Variants in SHISA6 observed in about 807,000 individuals in gnomAD.
SHISA6 encodes the protein shisa family member 6.
SHISA6 carries 22 observed loss-of-function variants against 47.9 expected under a neutral mutation model. That is an observed-to-expected ratio of 0.46 (90% CI 0.33 to 0.66). The LOEUF (loss-of-function observed/expected upper bound fraction) is 0.66, where lower values mean the gene tolerates loss of function less well. Among genes scored for constraint, SHISA6 ranks in the 30% least tolerant of loss-of-function variants. The probability of loss-of-function intolerance (pLI) is 0.02; values close to 1 mark genes in which losing one functional copy is unlikely to be tolerated. For synonymous variants in SHISA6, 388 were observed against 337.8 expected (o/e 1.15, Z -1.63); for missense variants, 680 against 764.6 (o/e 0.89, Z 1.30).
At chr17:11,480,582 G>T (rs1916185049) in intron 3 of SHISA6, among the ~76,000 whole-genome samples, 1 of 152,074 alleles carries the variant, frequency 6.6e-6, no homozygotes, top group African/African-American at 2.4e-5. Context: ...CAGTGATGGG[G>T]TTTTCCATCA....
At chr17:11,350,207 T>G (rs1356274916) in intron 2 of SHISA6, among the ~76,000 whole-genome samples, 2 of 112,934 alleles carry the variant, frequency 1.8e-5, no homozygotes, top group Admixed American at 1.0e-4. Flanking sequence ...TGAGACGGAG[T>G]CTCGCTCTGT....
intron 3 of SHISA6, among the ~76,000 whole-genome samples, chr17:11,501,765 AAG>A (rs571769229): frequency 1.5e-3 from 233 of 152,162 alleles, no homozygotes; most frequent in Admixed American, 2.9e-3. Flanking sequence ...TTTAGAGAAA[AAG>A]AGCCTCCGGT....
chr17:11,533,587 ATTTT>A (rs3038696), intron 3 of SHISA6, among the ~76,000 whole-genome samples: 1,966 of 95,022 alleles, frequency 0.021, 22 homozygotes, highest in African/African-American at 0.042. Flanking sequence ...CCCTTTCATT[ATTTT>A]TTTTTTTTTT....
At chr17:11,493,996 T>A (rs1044510240) in intron 3 of SHISA6, among the ~76,000 whole-genome samples, 8 of 152,096 alleles carry the variant, frequency 5.3e-5, no homozygotes, top group African/African-American at 1.9e-4. Context: ...GGTGATTAAA[T>A]CTGATAATTA....
intron 2 of SHISA6, among the ~76,000 whole-genome samples, chr17:11,282,928 T>C (rs1909171597): frequency 6.6e-6 from 1 of 152,148 alleles, no homozygotes; most frequent in African/African-American, 2.4e-5. Flanking sequence ...GTTTATAGAG[T>C]GGAGAGCTCA....
Position 11,558,554 on chromosome 17 carries a change from G to A in SHISA6, c.*250G>A. ...TCCAGAAGAATCAGTGGGGAGTGAG[G>A]AGGGGGCTAGGCCCCATTCTCACCC... On this transcript the variant is annotated 3_prime_UTR_variant, in exon 6 of 6. Transcript: ENST00000441885. 1.8e-6 allele frequency: 1 copy of A among 560,996 alleles called. No homozygotes were observed. The highest frequency in any genetic ancestry group is 2.2e-5 in the South Asian group (1 of 46,024). The allele number at this position is 560,996 out of a possible 1,614,324, so 34.8% of individuals were successfully genotyped here. A position where few individuals can be genotyped will look rare whatever the true frequency, so the allele number is the denominator to read the frequency against.
At chr17:11,354,757 A>G (rs1567582668) in intron 2 of SHISA6, among the ~76,000 whole-genome samples, 1 of 151,956 alleles carries the variant, frequency 6.6e-6, no homozygotes, top group African/African-American at 2.4e-5. Context: ...CCCACCCCCT[A>G]TCCTCAGTCA....
intron 3 of SHISA6, among the ~76,000 whole-genome samples, chr17:11,459,873 G>A (rs1468249939): frequency 6.6e-6 from 1 of 152,198 alleles, no homozygotes; most frequent in Non-Finnish European, 1.5e-5. Context: ...TCCCTGCAGT[G>A]GTTGCAGAGA....
In SHISA6 at chr17:11,241,661, C is replaced by T. The variant is rs867785154; in HGVS notation, c.239C>T (p.Ala80Val). The T allele has an allele frequency of 4.8e-6, 7 of 1,453,900 alleles. No individual in the cohort carries two copies. Among genetic ancestry groups the T allele is most frequent in the Middle Eastern group, 1.8e-4 (1 of 5,514 alleles). The allele number at this position is 1,453,900 out of a possible 1,614,324, so 90.1% of individuals were successfully genotyped here. Reference protein sequence around the residue: ...AGSRRGQPAAAVAAAASAAVT... With the variant: ...AGSRRGQPAAVVAAAASAAVT... Reference sequence around the variant, plus strand: ...AGCCGGCGGGGGCAGCCCGCGGCGGCTGTGGCGGCGGCGGCCAGCGCGGCC... The same window carrying T: ...AGCCGGCGGGGGCAGCCCGCGGCGGTTGTGGCGGCGGCGGCCAGCGCGGCC... Residue 80 changes from alanine (A) to valine (V), a missense_variant, in exon 1 of 6, where the codon GCT becomes GTT. This residue lies in a region of SHISA6 where 559 missense variants were observed against 674.1 expected (regional missense o/e 0.83). Transcript: ENST00000441885. This position sits in a 1 kb window ranked among gnomAD's most constrained non-coding sequence, Gnocchi z 5.5.
At chr17:11,375,539 A>G (rs1356201050) in intron 2 of SHISA6, among the ~76,000 whole-genome samples, 3 of 152,094 alleles carry the variant, frequency 2.0e-5, no homozygotes, top group African/African-American at 4.8e-5. Flanking sequence ...CCATTTGGAT[A>G]TTATCTCATT....
intron 1 of SHISA6, among the ~76,000 whole-genome samples, chr17:11,260,230 G>T (rs1908176104): frequency 6.6e-6 from 1 of 152,068 alleles, no homozygotes; most frequent in South Asian, 2.1e-4. Flanking sequence ...CCAAGAAATA[G>T]ACAGAAGGGA....
intron 2 of SHISA6, among the ~76,000 whole-genome samples, chr17:11,378,541 G>T (rs1912894677): frequency 6.6e-6 from 1 of 152,188 alleles, no homozygotes; most frequent in Non-Finnish European, 1.5e-5. Context: ...TACTTTAGGA[G>T]GGCATTTAGG....
intron 3 of SHISA6, among the ~76,000 whole-genome samples, chr17:11,431,372 C>T (rs980473104): frequency 1.3e-5 from 2 of 152,222 alleles, no homozygotes; most frequent in African/African-American, 4.8e-5. Context: ...CTCTTACCCA[C>T]ACCCACCACC....
chr17:11,379,559 G>A (rs1387336323), intron 3 of SHISA6, 50 bp downstream of exon 3: 7 of 1,303,598 alleles, frequency 5.4e-6, no homozygotes, highest in South Asian at 1.3e-5. Flanking sequence ...CCTAGGGAAC[G>A]CCATCTGAAA....
chr17:11,355,499 G>A (rs764086664), intron 2 of SHISA6, among the ~76,000 whole-genome samples: 55 of 152,316 alleles, frequency 3.6e-4, no homozygotes, highest in Middle Eastern at 3.4e-3. Context: ...AACCAGCCAG[G>A]TGGGAAGCCA....
chr17:11,373,737 C>G (rs1250897715), intron 2 of SHISA6, among the ~76,000 whole-genome samples: 2 of 152,164 alleles, frequency 1.3e-5, no homozygotes, highest in Non-Finnish European at 2.9e-5. Context: ...CATTTAATTT[C>G]ATTACATTTC....
At chr17:11,246,277 T>C (rs953714301) in intron 1 of SHISA6, among the ~76,000 whole-genome samples, 1 of 151,920 alleles carries the variant, frequency 6.6e-6, no homozygotes, top group South Asian at 2.1e-4. Context: ...GATCATTAGG[T>C]CAGGAGATTG....
chr17:11,516,185 C>T (rs997576338), intron 3 of SHISA6, among the ~76,000 whole-genome samples: 1 of 152,184 alleles, frequency 6.6e-6, no homozygotes, highest in African/African-American at 2.4e-5. Context: ...TCAAGCATTC[C>T]ATTGCCTCAG....
chr17:11,426,083 C>T (rs1218156151), intron 3 of SHISA6, among the ~76,000 whole-genome samples: 1 of 152,094 alleles, frequency 6.6e-6, no homozygotes, highest in East Asian at 1.9e-4. Flanking sequence ...AAGTGATTAC[C>T]AGAAAAAGGA....
Sources: allele counts gnomAD v4.1 joint callset (sites outside exome capture counted in the v4.1 genomes callset), GRCh38; gene constraint gnomAD v4.1.1; regional missense constraint gnomAD v4.1.1; non-coding constraint Gnocchi (gnomAD v3.1); transcripts MANE v1.5; gene names NCBI Gene and HGNC (gene_info 2026-07-23, HGNC 2026-07-21).